Variants in GAD1 observed in about 807,000 individuals in gnomAD.
GAD1 encodes the protein glutamate decarboxylase 1.
Under a neutral mutation model 75.2 loss-of-function variants are expected in GAD1, and 35 were observed. The observed-to-expected ratio is 0.47, with a 90% CI of 0.36 to 0.62. The LOEUF is 0.62. GAD1 is among the 20% of genes least tolerant of loss of function. The pLI is 0.00. For missense variants in GAD1, 490 were observed against 758.5 expected (o/e 0.65, Z 4.16); for synonymous variants, 257 against 271.9 (o/e 0.95, Z 0.54).
Position 170,844,177 on chromosome 2 carries a change from C to A in GAD1, c.751+20C>A. On this transcript the variant is annotated intron_variant, in intron 7 of 16. Transcript: ENST00000358196. ...CTCCTGGTAGGTTTCTCTTCTCTTC[C>A]TCTTCTCAAGGTTTGGGATTCTTAA... is the stretch of plus-strand genomic sequence containing the variant. 1 of 1,300,672 alleles carries A rather than the reference C, an allele frequency of 7.7e-7. No homozygotes were observed. The highest frequency in any genetic ancestry group is 1.1e-6 in the Non-Finnish European group (1 of 894,458). 80.6% of individuals were successfully genotyped at this position (1,300,672 alleles called of 1,614,324 possible). A position where few individuals can be genotyped will look rare whatever the true frequency, so the allele number is the denominator to read the frequency against.
intron 2 of GAD1, 93 bp from the exon 3 acceptor site, chr2:170,821,994 C>T (rs1701893565): frequency 2.7e-6 from 3 of 1,098,006 alleles, no homozygotes; most frequent in Non-Finnish European, 1.3e-6. Context: ...TGGCAAAGTC[C>T]TCATCCTCCC....
intron 3 of GAD1, among the ~76,000 whole-genome samples, chr2:170,824,619 G>A (rs1181778906): frequency 1.3e-5 from 2 of 151,774 alleles, no homozygotes. Flanking sequence ...CTCTCCCCCT[G>A]CCCTTCCCCA....
At chr2:170,821,908 G>T (rs907357156) in intron 2 of GAD1, 179 bp from the exon 3 acceptor site, 17 of 646,326 alleles carry the variant, frequency 2.6e-5, no homozygotes, top group Middle Eastern at 5.0e-4. Flanking sequence ...TATGATGGGG[G>T]CTTAGAGTAT....
chr2:170,822,071 C>T lies in GAD1; in HGVS notation c.83-16C>T. 1.2e-6 allele frequency: 2 copies of T among 1,600,880 alleles called. No individual in the cohort carries two copies. The highest frequency in any genetic ancestry group is 1.7e-5 in the Admixed American group (1 of 58,464). On this transcript the variant is annotated splice_polypyrimidine_tract_variant and intron_variant, in intron 2 of 16. Coordinates refer to ENST00000358196, the MANE Select transcript of GAD1 (RefSeq NM_000817.3). Reference sequence around the variant, plus strand: ...AACCTCCCTAACCGAACCTCTCTCCCTCTCTCTCGTCCTAGCGTACGATAC... The same window carrying T: ...AACCTCCCTAACCGAACCTCTCTCCTTCTCTCTCGTCCTAGCGTACGATAC...
intron 5 of GAD1, 35 bp from the exon 6 acceptor site, chr2:170,836,758 G>T (rs1311154815): frequency 6.7e-7 from 1 of 1,495,894 alleles, no homozygotes; most frequent in Non-Finnish European, 9.3e-7. Flanking sequence ...TGAGAAATCT[G>T]CATTTGCCTT....
intron 2 of GAD1, among the ~76,000 whole-genome samples, chr2:170,820,368 A>G (rs45569640): frequency 6.6e-6 from 1 of 152,104 alleles, no homozygotes; most frequent in Admixed American, 6.5e-5. Flanking sequence ...AGAGCCCGGG[A>G]CCCTGCTGTA....
In GAD1 at chr2:170,854,025, A is replaced by G; in HGVS notation, c.1413+3A>G. The G allele has an allele frequency of 6.2e-7, 1 of 1,614,200 alleles. No individual in the cohort carries two copies. Among genetic ancestry groups the G allele is most frequent in the Non-Finnish European group, 8.5e-7 (1 of 1,180,020 alleles). ...TCTGGCTGATGTGGAAAGCAAAGGT[A>G]TGAAGGGAATAGTTCAGGAAATAGA... On this transcript the variant is annotated splice_donor_region_variant and intron_variant, in intron 14 of 16. Transcript: ENST00000358196.
chr2:170,839,066 C>A lies in GAD1; in HGVS notation c.638+2183C>A, dbSNP rs1200300713. Reference sequence around the variant, plus strand: ...GTCAGGAGCTGAGGCAAAATTTGCTCCCTTGTGACAATTCCTTCTCCAGTC... The same window carrying A: ...GTCAGGAGCTGAGGCAAAATTTGCTACCTTGTGACAATTCCTTCTCCAGTC... On this transcript the variant is annotated intron_variant, in intron 6 of 16. Coordinates refer to ENST00000358196, the MANE Select transcript of GAD1 (RefSeq NM_000817.3). 2.6e-5 allele frequency among the ~76,000 whole-genome samples: 4 copies of A among 152,160 alleles called. No individual in the cohort carries two copies. The East Asian group carries it at 7.7e-4, about 29-fold the overall frequency.
At chr2:170,849,067 C>G in intron 11 of GAD1, 1 of 620,034 alleles carries the variant, frequency 1.6e-6, no homozygotes, top group Non-Finnish European at 2.9e-6. Context: ...AGCTGTATCA[C>G]TTGTGCAGCT....
At chr2:170,842,420 T>C (rs915313587) in intron 6 of GAD1, 1 of 784,942 alleles carries the variant, frequency 1.3e-6, no homozygotes, top group Non-Finnish European at 2.3e-6. Context: ...TGCAAACATT[T>C]TTGTCATGTC....
rs887432655 is a variant in GAD1, at chr2:170,818,376, G to A, written c.-63-153G>A. On this transcript the variant is annotated intron_variant, in intron 1 of 16. Transcript: ENST00000358196. This position sits in a 1 kb window ranked among gnomAD's most constrained non-coding sequence, Gnocchi z 5.9. ...TCTCCTCCGCTGCCCCCACCCCTGC[G>A]CACCCCTACCAGGCAGGCTCGCTGC... is the stretch of plus-strand genomic sequence containing the variant. 15 of 599,250 alleles carry A rather than the reference G, an allele frequency of 2.5e-5. No individual in the cohort carries two copies. The highest frequency in any genetic ancestry group is 3.9e-5 in the Non-Finnish European group (13 of 332,962). The allele number at this position is 599,250 out of a possible 1,614,324, so 37.1% of individuals were successfully genotyped here.
At chr2:170,827,308 G>T (rs1052744522) in intron 3 of GAD1, among the ~76,000 whole-genome samples, 1 of 152,198 alleles carries the variant, frequency 6.6e-6, no homozygotes, top group Non-Finnish European at 1.5e-5. Context: ...CTTGTGACAC[G>T]TGTGACTCCG....
chr2:170,829,749 C>A (rs1702173001), intron 4 of GAD1, 116 bp downstream of exon 4: 1 of 1,202,620 alleles, frequency 8.3e-7, no homozygotes, highest in Non-Finnish European at 1.2e-6. Flanking sequence ...TCTCTCTGAA[C>A]CCACATGAAA....
chr2:170,842,950 A>G (rs555296933), intron 6 of GAD1, among the ~76,000 whole-genome samples: 7 of 152,196 alleles, frequency 4.6e-5, no homozygotes, highest in Non-Finnish European at 8.8e-5. Flanking sequence ...CAACATTAGC[A>G]CTTGGCTCAA....
chr2:170,845,777 C>T lies in GAD1; in HGVS notation c.939C>T (p.Cys313=). 6.2e-7 allele frequency: 1 copy of T among 1,613,880 alleles called. No individual in the cohort carries two copies. ...CTGACAATGTGATTTTGATAAAGTGCAATGAAAGGTAGGCAGGGGAGGGTG... is the reference window on the plus strand; with the variant it reads ...CTGACAATGTGATTTTGATAAAGTGTAATGAAAGGTAGGCAGGGGAGGGTG... ...FGTDNVILIK[C]NERGKIIPAD... is the part of the protein sequence containing the mutation. Residue 313 remains cysteine, a synonymous_variant, in exon 9 of 17, where the codon TGC becomes TGT. Transcript: ENST00000358196.
intron 3 of GAD1, 26 bp downstream of exon 3, chr2:170,822,175 C>T (rs770185451): frequency 1.7e-5 from 28 of 1,607,314 alleles, no homozygotes; most frequent in Admixed American, 5.0e-5. Flanking sequence ...CACTGGGGCC[C>T]GGCTGGGTGG....
chr2:170,814,312 T>C (rs112922333), upstream of GAD1, among the ~76,000 whole-genome samples: 2 of 152,142 alleles, frequency 1.3e-5, no homozygotes, highest in African/African-American at 2.4e-5. Context: ...CCCATAGCTA[T>C]TGGCGGAAGC....
Position 170,818,311 on chromosome 2 carries a change from C to T in GAD1, c.-63-218C>T. ...CGCCAGACTCGAGAGCGGCCCAGGGCTACGCTCCCTGCGCCCCAGTACCGG... is the reference window on the plus strand; with the variant it reads ...CGCCAGACTCGAGAGCGGCCCAGGGTTACGCTCCCTGCGCCCCAGTACCGG... On this transcript the variant is annotated intron_variant, in intron 1 of 16. Coordinates refer to ENST00000358196, the MANE Select transcript of GAD1 (RefSeq NM_000817.3). This position sits in a 1 kb window ranked among gnomAD's most constrained non-coding sequence, Gnocchi z 5.9. The T allele has an allele frequency of 2.3e-6, 1 of 437,494 alleles. No individual in the cohort carries two copies. Among genetic ancestry groups the T allele is most frequent in the Non-Finnish European group, 4.3e-6 (1 of 233,668 alleles). 27.1% of individuals were successfully genotyped at this position (437,494 alleles called of 1,614,324 possible).
chr2:170,826,058 T>A (rs1702018438), intron 3 of GAD1, among the ~76,000 whole-genome samples: 1 of 152,182 alleles, frequency 6.6e-6, no homozygotes, highest in Non-Finnish European at 1.5e-5. Flanking sequence ...TTTCTGAGGA[T>A]CCCAGTATTT....
Sources: gnomAD v4.1 joint callset for allele counts (sites outside exome capture counted in the v4.1 genomes callset) on GRCh38, gnomAD v4.1.1 for gene constraint, Gnocchi (gnomAD v3.1) non-coding constraint, MANE v1.5 for transcripts, NCBI Gene and HGNC (gene_info 2026-07-23, HGNC 2026-07-21) for gene names.